The following GPHN variants were observed in gnomAD, a reference collection of about 807,000 sequenced individuals.
The protein encoded by GPHN is gephyrin.
In GPHN, 17 loss-of-function variants were observed where a neutral mutation model predicts 95.5. The observed-to-expected ratio is 0.18, with a 90% CI of 0.12 to 0.27. The LOEUF (loss-of-function observed/expected upper bound fraction) is 0.27, where lower values mean the gene tolerates loss of function less well. Ranked by LOEUF, GPHN falls within the 10% of genes least tolerant of loss-of-function variation. The probability of loss-of-function intolerance (pLI) is 1.00; values close to 1 mark genes in which losing one functional copy is unlikely to be tolerated. For synonymous variants in GPHN, 320 were observed against 322.5 expected, an observed-to-expected ratio of 0.99 and a Z score of 0.08; for missense variants, 660 against 978.1, an observed-to-expected ratio of 0.67 and a Z score of 4.34.
chr14:67,585,598 C>G, the GPHN span: 3 of 1,585,728 alleles, frequency 1.9e-6, no homozygotes, highest in South Asian at 1.2e-5. Flanking sequence ...GGAGAACGCT[C>G]TGGTGTGGAT....
At chr14:67,268,027 A>G in the GPHN span, among the ~76,000 whole-genome samples, 5 of 152,260 alleles carry the variant, frequency 3.3e-5, no homozygotes, top group East Asian at 3.9e-4. Flanking sequence ...TATTGCTCCT[A>G]TGCATACTCA....
At chr14:66,644,080 C>A (rs1185062323) in intron 1 of GPHN, among the ~76,000 whole-genome samples, 1 of 151,818 alleles carries the variant, frequency 6.6e-6, no homozygotes, top group African/African-American at 2.4e-5. Context: ...GCTTTCTTGT[C>A]TATTCATTGG....
the GPHN span, chr14:67,397,559 T>C: frequency 1.0e-6 from 1 of 975,718 alleles, no homozygotes; most frequent in African/African-American, 1.6e-5. Flanking sequence ...TTTTCAATTC[T>C]AACTCTGAGC....
chr14:67,651,555 C>A, the GPHN span: 7 of 1,531,086 alleles, frequency 4.6e-6, no homozygotes, highest in Non-Finnish European at 6.2e-6. Flanking sequence ...GGGGTTAGAC[C>A]TGGGACCACG....
chr14:67,631,430 CTTTCTTTT>C, the GPHN span, among the ~76,000 whole-genome samples: 3 of 128,490 alleles, frequency 2.3e-5, no homozygotes, highest in Admixed American at 8.1e-5. Context: ...TCCTTTCTTT[CTTTCTTTT>C]TTTTTTTTTT....
At chr14:66,668,495 G>A (rs965871111) in intron 1 of GPHN, among the ~76,000 whole-genome samples, 4 of 152,200 alleles carry the variant, frequency 2.6e-5, no homozygotes, top group Non-Finnish European at 2.9e-5. Context: ...CACGGATGGA[G>A]CTGGAAGTCA....
At chr14:67,159,095 GTTGTT>G (rs2081806335) in intron 18 of GPHN, among the ~76,000 whole-genome samples, 1 of 152,162 alleles carries the variant, frequency 6.6e-6, no homozygotes, top group South Asian at 2.1e-4. Context: ...CATTAATGTA[GTTGTT>G]TTGTTTTTAT....
At chr14:67,619,635 G>C in the GPHN span, among the ~76,000 whole-genome samples, 1 of 152,270 alleles carries the variant, frequency 6.6e-6, no homozygotes, top group Non-Finnish European at 1.5e-5. Context: ...CGCCTCCCGC[G>C]AAGGGACACA....
chr14:66,890,018 T>G (rs930631069), intron 5 of GPHN, among the ~76,000 whole-genome samples: 8 of 152,112 alleles, frequency 5.3e-5, no homozygotes, highest in Non-Finnish European at 8.8e-5. Context: ...CCAGACGAAG[T>G]GGACAAACTC....
At chr14:66,702,571 T>C (rs945671042) in intron 2 of GPHN, among the ~76,000 whole-genome samples, 2 of 151,964 alleles carry the variant, frequency 1.3e-5, no homozygotes, top group African/African-American at 4.8e-5. Flanking sequence ...GACCTGACCA[T>C]TGAAAAACAA....
intron 1 of GPHN, among the ~76,000 whole-genome samples, chr14:66,629,178 TACA>T (rs1566729312): frequency 3.0e-4 from 41 of 136,232 alleles, no homozygotes; most frequent in Admixed American, 3.7e-4. Flanking sequence ...AATATATATA[TACA>T]TATATAAATA....
chr14:66,941,476 A>G (rs1174540392), intron 8 of GPHN, among the ~76,000 whole-genome samples: 1 of 152,138 alleles, frequency 6.6e-6, no homozygotes, highest in Non-Finnish European at 1.5e-5. Context: ...GAGTTAGGTG[A>G]TCCTCTCCTC....
At chr14:66,766,416 GA>G (rs2058964685) in intron 2 of GPHN, among the ~76,000 whole-genome samples, 1 of 152,048 alleles carries the variant, frequency 6.6e-6, no homozygotes, top group Non-Finnish European at 1.5e-5. Context: ...GAAAAAAAGA[GA>G]AAAACTATAG....
chr14:66,861,785 T>C lies in GPHN; in HGVS notation c.295-18154T>C, dbSNP rs117131998. On this transcript the variant is annotated intron_variant, in intron 4 of 22. Coordinates refer to ENST00000478722, the MANE Select transcript of GPHN (RefSeq NM_020806.5). ...GGAATTAAGGAAACTGAAAATTTTC[T>C]TGAAACAAATGACCAAATATGCCAA... 7.5e-4 allele frequency among the ~76,000 whole-genome samples: 114 copies of C among 152,118 alleles called. 1 individual carries two copies. In the East Asian group the frequency reaches 0.021, roughly 28 times the overall value.
the GPHN span, among the ~76,000 whole-genome samples, chr14:67,340,910 G>A: frequency 9.8e-5 from 15 of 152,370 alleles, no homozygotes; most frequent in African/African-American, 3.1e-4. Context: ...TCCTAACTGC[G>A]AGTGATCCGC....
At chr14:67,463,638 C>CA in the GPHN span, among the ~76,000 whole-genome samples, 452 of 54,768 alleles carry the variant, frequency 8.3e-3, 26 homozygotes, top group African/African-American at 0.014. Flanking sequence ...GACTCCGTCT[C>CA]AAAAAAAAAA....
chr14:67,420,596 G>A, the GPHN span, among the ~76,000 whole-genome samples: 2 of 152,218 alleles, frequency 1.3e-5, no homozygotes, highest in African/African-American at 4.8e-5. Context: ...CCCATAGGTA[G>A]TCAGAAGAGC....
intron 3 of GPHN, among the ~76,000 whole-genome samples, chr14:66,803,233 T>A (rs2060423179): frequency 6.6e-6 from 1 of 152,154 alleles, no homozygotes; most frequent in Non-Finnish European, 1.5e-5. Context: ...TGCCTCAAAA[T>A]TGCCTGCTGT....
chr14:67,546,515 C>T, the GPHN span, among the ~76,000 whole-genome samples: 1 of 152,118 alleles, frequency 6.6e-6, no homozygotes, highest in Non-Finnish European at 1.5e-5. Flanking sequence ...CTTAGCCTCC[C>T]GAGTAGCTGG....
Sources: gnomAD v4.1 joint callset for allele counts (sites outside exome capture counted in the v4.1 genomes callset) on GRCh38, gnomAD v4.1.1 for gene constraint, MANE v1.5 for transcripts, NCBI Gene and HGNC (gene_info 2026-07-23, HGNC 2026-07-21) for gene names.